MAML2: variants seen among roughly 807,000 people sequenced by gnomAD.
MAML2 encodes mastermind-like protein 2.
MAML2 carries 22 observed loss-of-function variants against 96.1 expected under a neutral mutation model. The ratio of observed to expected loss-of-function variants is 0.23; its 90% confidence interval spans 0.16 to 0.33. The LOEUF (loss-of-function observed/expected upper bound fraction) is 0.33. Among genes scored for constraint, MAML2 ranks in the 10% least tolerant of loss-of-function variants. The probability of loss-of-function intolerance (pLI) is 1.00; values close to 1 mark genes in which losing one functional copy is unlikely to be tolerated. For synonymous variants in MAML2, 561 were observed against 521.3 expected (o/e 1.08, Z -1.04); for missense variants, 1,367 against 1,392.4 (o/e 0.98, Z 0.29).
rs116750799 is a variant in MAML2 at position 96,223,717 on chromosome 11, G to T, written c.513+117666C>A. On this transcript the variant is annotated intron_variant, in intron 1 of 4. Transcript: ENST00000524717. Reference sequence around the variant, plus strand: ...GGTATTTTTTTCGGATCCTCTCTCCGCTCCCACCCGCCATACCCAGGTAGT... The same window carrying T: ...GGTATTTTTTTCGGATCCTCTCTCCTCTCCCACCCGCCATACCCAGGTAGT... 5.2e-3 allele frequency among the ~76,000 whole-genome samples: 792 copies of T among 151,800 alleles called. 7 individuals are homozygous for T. The highest frequency in any genetic ancestry group is 0.018 in the African/African-American group (755 of 41,422).
In MAML2 at chr11:96,155,537, T is replaced by C. The variant is rs1450380874; in HGVS notation, c.514-62020A>G. 4.2e-5 allele frequency among the ~76,000 whole-genome samples: 4 copies of C among 94,874 alleles called. 1 individual carries two copies. Among genetic ancestry groups the C allele is most frequent in the Admixed American group, 3.4e-4 (3 of 8,776 alleles). 62.2% of individuals were successfully genotyped at this position (94,874 alleles called of 152,430 possible). ...ATATATATATATATATATATATATA[T>C]ATATATATATATATGAGGAAAGTCT... On this transcript the variant is annotated intron_variant, in intron 1 of 4. Coordinates refer to ENST00000524717, the MANE Select transcript of MAML2 (RefSeq NM_032427.4).
At position 96,063,913 on chromosome 11, in the gene MAML2, G is replaced by C. The variant is rs575731420; in HGVS notation, c.2139+27979C>G. Among the ~76,000 whole-genome samples, 116 of 152,268 alleles carry C rather than the reference G, an allele frequency of 7.6e-4. 1 individual carries two copies. Among genetic ancestry groups the C allele is most frequent in the Admixed American group, 1.5e-3 (23 of 15,302 alleles). ...GTCTGCAGGACTAGAGTTCAACCAA[G>C]GGCCTCAGTTCTGTTCAGATGCTCC... On this transcript the variant is annotated intron_variant, in intron 2 of 4. Coordinates refer to ENST00000524717, the MANE Select transcript of MAML2 (RefSeq NM_032427.4).
intron 1 of MAML2, among the ~76,000 whole-genome samples, chr11:96,183,203 C>T (rs978325029): frequency 1.3e-5 from 2 of 152,164 alleles, no homozygotes; most frequent in Non-Finnish European, 2.9e-5. Context: ...AAGTGATCCA[C>T]CCGCCTCGGC....
intron 4 of MAML2, among the ~76,000 whole-genome samples, chr11:95,980,393 C>T (rs757878028): frequency 2.0e-5 from 3 of 152,130 alleles, no homozygotes; most frequent in African/African-American, 4.8e-5. Context: ...ATGCTACACA[C>T]GGCTCCTAGA....
rs576026981 is a variant in MAML2 at position 95,988,131 on chromosome 11, G to T, written c.2344-2489C>A. 2.0e-3 allele frequency among the ~76,000 whole-genome samples: 308 copies of T among 151,936 alleles called. 1 individual carries two copies. Among genetic ancestry groups the T allele is most frequent in the Admixed American group, 4.7e-3 (72 of 15,256 alleles). The stretch of plus-strand genomic sequence containing the variant: ...AGACAGGATGTGTGTGTGTGTGTGT[G>T]TGTGTGTGTGTGTATGTGTGAGAGT... On this transcript the variant is annotated intron_variant, in intron 3 of 4. Coordinates refer to ENST00000524717, the MANE Select transcript of MAML2 (RefSeq NM_032427.4).
chr11:95,991,725 TAAAG>T lies in MAML2; in HGVS notation c.2140-6_2140-3del. On this transcript the variant is annotated splice_polypyrimidine_tract_variant and splice_region_variant and intron_variant, in intron 2 of 4. Transcript: ENST00000524717. Reference sequence around the variant, plus strand: ...CTGGCCTACCACAGAGTGTTGATCCTAAAGAAGAGAAAGGGGGAAGGAAAAGCTA... The same window carrying T: ...CTGGCCTACCACAGAGTGTTGATCCTAAGAGAAAGGGGGAAGGAAAAGCTA... 1.9e-6 allele frequency: 3 copies of T among 1,612,334 alleles called. No homozygotes were observed. In the South Asian group the frequency reaches 3.3e-5, roughly 18 times the overall value.
At chr11:95,989,118 AT>A (rs1268895404) in intron 3 of MAML2, among the ~76,000 whole-genome samples, 1 of 152,200 alleles carries the variant, frequency 6.6e-6, no homozygotes, top group Non-Finnish European at 1.5e-5. Flanking sequence ...TTTGTGCTTC[AT>A]TGGTAGGAGA....
At chr11:96,132,268 A>G (rs1286064727) in intron 1 of MAML2, among the ~76,000 whole-genome samples, 1 of 152,212 alleles carries the variant, frequency 6.6e-6, no homozygotes, top group Non-Finnish European at 1.5e-5. Context: ...CCTTTAATTC[A>G]TTTATTCAAC....
intron 1 of MAML2, among the ~76,000 whole-genome samples, chr11:96,322,793 T>C (rs1186427725): frequency 2.0e-5 from 3 of 152,282 alleles, no homozygotes; most frequent in African/African-American, 4.8e-5. Flanking sequence ...TTACGTTTGC[T>C]TTCTCTTCAG....
chr11:96,266,658 A>G (rs1163023659), intron 1 of MAML2, among the ~76,000 whole-genome samples: 2 of 152,202 alleles, frequency 1.3e-5, no homozygotes, highest in African/African-American at 4.8e-5. Context: ...CTGATTAACT[A>G]TATCTCAATT....
At chr11:96,323,991 A>C (rs1863742676) in intron 1 of MAML2, among the ~76,000 whole-genome samples, 1 of 152,266 alleles carries the variant, frequency 6.6e-6, no homozygotes, top group African/African-American at 2.4e-5. Flanking sequence ...TGGCCCCTAG[A>C]CATTCATTCT....
At chr11:96,068,915 CTTTT>C (rs71040128) in intron 2 of MAML2, among the ~76,000 whole-genome samples, 76 of 106,502 alleles carry the variant, frequency 7.1e-4, no homozygotes, top group African/African-American at 2.8e-3. Context: ...TTCTTCCCTC[CTTTT>C]TTTTTTTTTT....
chr11:96,099,183 G>A (rs529968272), intron 1 of MAML2, among the ~76,000 whole-genome samples: 1 of 152,048 alleles, frequency 6.6e-6, no homozygotes, highest in Non-Finnish European at 1.5e-5. Flanking sequence ...CTTTCCTCGG[G>A]CTATTTTACT....
At position 96,049,495 on chromosome 11, in the gene MAML2, A is replaced by G. The variant is rs183994448; in HGVS notation, c.2139+42397T>C. ...GCTTAATAGAAATAATGCATAGTTT[A>G]TAAAGCATCTCCATGAAGATATCAC... On this transcript the variant is annotated intron_variant, in intron 2 of 4. Transcript: ENST00000524717. Among the ~76,000 whole-genome samples the G allele has an allele frequency of 2.6e-5, 4 of 152,330 alleles. No individual in the cohort carries two copies. The East Asian group carries it at 7.7e-4, about 29-fold the overall frequency.
At chr11:96,234,279 C>T (rs1164283870) in intron 1 of MAML2, among the ~76,000 whole-genome samples, 6 of 152,058 alleles carry the variant, frequency 3.9e-5, no homozygotes, top group African/African-American at 7.2e-5. Flanking sequence ...GTCAGGAGTT[C>T]GAGACCAGCC....
intron 2 of MAML2, among the ~76,000 whole-genome samples, chr11:96,039,893 G>C (rs983469810): frequency 6.7e-6 from 1 of 149,640 alleles, no homozygotes; most frequent in African/African-American, 2.5e-5. Flanking sequence ...GGGAGGCGAA[G>C]CTTGCAGTGA....
At chr11:96,050,302 T>A (rs995994559) in intron 2 of MAML2, among the ~76,000 whole-genome samples, 5 of 152,046 alleles carry the variant, frequency 3.3e-5, no homozygotes, top group African/African-American at 1.2e-4. Context: ...AGGCATAGGG[T>A]GAAAGATCAC....
At chr11:96,247,586 G>A (rs1458917767) in intron 1 of MAML2, among the ~76,000 whole-genome samples, 1 of 152,088 alleles carries the variant, frequency 6.6e-6, no homozygotes, top group African/African-American at 2.4e-5. Context: ...CCCTGCCCCT[G>A]TCCCTGCTAG....
intron 1 of MAML2, among the ~76,000 whole-genome samples, chr11:96,292,191 T>C (rs750331789): frequency 6.6e-6 from 1 of 152,222 alleles, no homozygotes; most frequent in Non-Finnish European, 1.5e-5. Flanking sequence ...ATATTTACTA[T>C]TGAATACAGC....
Sources: allele counts gnomAD v4.1 joint callset (sites outside exome capture counted in the v4.1 genomes callset), GRCh38; gene constraint gnomAD v4.1.1; transcripts MANE v1.5; gene names NCBI Gene and HGNC (gene_info 2026-07-23, HGNC 2026-07-21).